Variants in SCART1 observed in about 807,000 individuals in gnomAD.
SCART1 encodes scavenger receptor family member expressed on T cells 1.
SCART1 carries 62 observed loss-of-function variants against 36.2 expected under a neutral mutation model. The observed-to-expected ratio is 1.71, with a 90% confidence interval of 1.40 to 2.12. SCART1 has a LOEUF of 2.12. Ranked by LOEUF, SCART1 falls within the 30% of genes most tolerant of loss-of-function variation. The pLI, the probability that SCART1 is intolerant of heterozygous loss-of-function variation, is 0.00. For synonymous variants in SCART1, 487 were observed against 238.7 expected (o/e 2.04, Z -9.59); for missense variants, 1,041 against 540.5 (o/e 1.93, Z -9.18).
intron 2 of SCART1, chr10:133,456,958 C>T (rs1850624141): frequency 2.0e-6 from 1 of 510,842 alleles, no homozygotes; most frequent in Non-Finnish European, 3.4e-6. Flanking sequence ...TCAGCTGTCC[C>T]TCACATTTTA....
Position 133,460,471 on chromosome 10 carries a change from C to CATATATATATATATATATATATATAT in SCART1, c.1969+319_1969+320insATATATATATATATATATATATATAT, listed in dbSNP as rs55751015. On this transcript the variant is annotated intron_variant, in intron 6 of 11. Coordinates refer to ENST00000640237, the Ensembl canonical transcript of SCART1. ...GCGCTTGAAGTTTCCATCCGAAATT[C>CATATATATATATATATATATATATAT]ATATATATATATATATATTTATATA... Among the ~76,000 whole-genome samples, 134 of 136,404 alleles carry CATATATATATATATATATATATATAT rather than the reference C, an allele frequency of 9.8e-4. 4 individuals carry two copies. Among genetic ancestry groups the CATATATATATATATATATATATATAT allele is most frequent in the African/African-American group, 3.6e-3 (128 of 35,434 alleles). The allele number at this position is 136,404 out of a possible 152,430, so 89.5% of individuals were successfully genotyped here. A position where few individuals can be genotyped will look rare whatever the true frequency, so the allele number is the denominator to read the frequency against.
At chr10:133,459,520 A>G in exon 6 of SCART1, 1 of 661,620 alleles carries the variant, frequency 1.5e-6, no homozygotes. Flanking sequence ...AGGGAAGGAC[A>G]GAGCCGCTGT....
At chr10:133,454,135 GCATGAGGGTC>G in intron 1 of SCART1, 71 bp downstream of exon 1, 1 of 702,098 alleles carries the variant, frequency 1.4e-6, no homozygotes. Context: ...AGGCCCCGGG[GCATGAGGGTC>G]CCTGCAGTGA....
chr10:133,464,642 G>T (rs1208186365), exon 7 of SCART1: 1 of 670,788 alleles, frequency 1.5e-6, no homozygotes, highest in East Asian at 2.7e-5. Flanking sequence ...GGGACCTGCT[G>T]CTGTGCTGGG....
chr10:133,459,818 C>A (rs1850673367), exon 6 of SCART1: 2 of 613,378 alleles, frequency 3.3e-6, no homozygotes, highest in Non-Finnish European at 5.9e-6. Context: ...AGGTCGGAAC[C>A]GCGTCCCCCA....
chr10:133,459,170 G>C, exon 5 of SCART1: 1 of 702,904 alleles, frequency 1.4e-6, no homozygotes, highest in East Asian at 2.7e-5. Context: ...CGCGGTGGCC[G>C]CACCTGGAGG....
exon 7 of SCART1, chr10:133,464,735 A>G (rs2133558000): frequency 2.9e-6 from 2 of 694,652 alleles, no homozygotes; most frequent in South Asian, 1.5e-5. Flanking sequence ...ATCATCTGCA[A>G]GCAGCTGGGG....
At chr10:133,458,982 G>A (rs192559196) in intron 4 of SCART1, 39 bp from the exon 5 acceptor site, 161 of 645,794 alleles carry the variant, frequency 2.5e-4, no homozygotes, top group Middle Eastern at 1.5e-3. Flanking sequence ...GTTCTGGGTC[G>A]GCCGTCTGCA....
chr10:133,458,407 C>T (rs760182749), exon 4 of SCART1: 65 of 701,858 alleles, frequency 9.3e-5, no homozygotes, highest in African/African-American at 1.0e-4. Flanking sequence ...CTGCGCCGGG[C>T]GCCTGGAGGT....
chr10:133,457,016 C>G, intron 2 of SCART1: 1 of 548,936 alleles, frequency 1.8e-6, no homozygotes, highest in Non-Finnish European at 3.2e-6. Context: ...GAGGCTGAAC[C>G]ACCTGGCCAG....
At chr10:133,461,369 G>T (rs1850699687) in intron 6 of SCART1, among the ~76,000 whole-genome samples, 1 of 152,170 alleles carries the variant, frequency 6.6e-6, no homozygotes, top group Non-Finnish European at 1.5e-5. Flanking sequence ...AGAGTCTCTG[G>T]CAGCTTATCC....
Position 133,458,408 on chromosome 10 carries a change from G to A in SCART1, c.731G>A (p.Arg244His), listed in dbSNP as rs540817616. Residue 244 changes from arginine to histidine, a missense_variant, in exon 4 of 12, where the codon CGC becomes CAC. Coordinates refer to ENST00000640237, the Ensembl canonical transcript of SCART1. ...GGCGGCGAGCACCCCTGCGCCGGGCGCCTGGAGGTGACCTGGGGCACCGTC... is the reference window on the plus strand; with the variant it reads ...GGCGGCGAGCACCCCTGCGCCGGGCACCTGGAGGTGACCTGGGGCACCGTC... The A allele has an allele frequency of 5.8e-4, 404 of 701,948 alleles. 1 individual carries two copies. The highest frequency in any genetic ancestry group is 1.2e-3 in the Middle Eastern group (5 of 4,286). 43.5% of individuals were successfully genotyped at this position (701,948 alleles called of 1,614,324 possible).
At chr10:133,457,827 G>A (rs1019907185) in intron 3 of SCART1, 17 of 550,126 alleles carry the variant, frequency 3.1e-5, no homozygotes, top group Admixed American at 1.4e-4. Flanking sequence ...CCTGGCTGCC[G>A]CTGCAAGTCT....
chr10:133,458,790 G>T (rs1029658395), intron 4 of SCART1, 134 bp downstream of exon 4: 7 of 671,412 alleles, frequency 1.0e-5, no homozygotes, highest in South Asian at 3.2e-5. Flanking sequence ...TGAAAGAAGC[G>T]CAGGGAAGAG....
At position 133,466,404 on chromosome 10, in the gene SCART1, C is replaced by G. The variant is rs773829130; in HGVS notation, c.2806+23C>G. 2.1e-5 allele frequency: 15 copies of G among 698,338 alleles called. No individual in the cohort carries two copies. In the Middle Eastern group the frequency reaches 9.2e-4, roughly 43 times the overall value. 43.3% of individuals were successfully genotyped at this position (698,338 alleles called of 1,614,324 possible). On this transcript the variant is annotated intron_variant, in intron 10 of 11. Transcript: ENST00000640237. ...GGGGTAAGCGTGAGCCCACCCTGAT[C>G]CCATCAACTGGTGTGCAGGAGCAAG...
exon 4 of SCART1, chr10:133,458,467 G>T: frequency 1.4e-6 from 1 of 694,632 alleles, no homozygotes; most frequent in South Asian, 1.5e-5. Context: ...CACGGCCCAC[G>T]TGGTGTGCCG....
chr10:133,454,089 T>G, intron 1 of SCART1, 25 bp downstream of exon 1: 1 of 702,596 alleles, frequency 1.4e-6, no homozygotes, highest in Middle Eastern at 2.3e-4. Flanking sequence ...CCTTCATCCA[T>G]GGAACTTTCT....
intron 7 of SCART1, 49 bp from the exon 8 acceptor site, chr10:133,465,057 G>A (rs1224060911): frequency 1.4e-6 from 1 of 702,512 alleles, no homozygotes; most frequent in Non-Finnish European, 2.6e-6. Flanking sequence ...CCTTCCTTGT[G>A]AAGCTTCTCT....
rs867616913 is a variant in SCART1 at position 133,456,475 on chromosome 10, C to T, written c.306C>T (p.Ser102=). The change falls in exon 2 of 12, where the codon TCC becomes TCT. Residue 102 remains serine, a synonymous_variant. Transcript: ENST00000640237. ...ACGTGTCCTGCCGGGGCAACGAGTC[C>T]TCCCTCTGGGAGTGCAGCCTTGGCT... is the stretch of plus-strand genomic sequence containing the variant. 14 of 701,662 alleles carry T rather than the reference C, an allele frequency of 2.0e-5. No homozygotes were observed. In the Middle Eastern group the frequency reaches 9.3e-4, roughly 47 times the overall value. 43.5% of individuals were successfully genotyped at this position (701,662 alleles called of 1,614,324 possible).
Sources: gnomAD v4.1 joint callset for allele counts (sites outside exome capture counted in the v4.1 genomes callset) on GRCh38, gnomAD v4.1.1 for gene constraint, MANE v1.5 for transcripts, NCBI Gene and HGNC (gene_info 2026-07-23, HGNC 2026-07-21) for gene names.